Variants in IWS1 observed in about 807,000 individuals in gnomAD.
IWS1 encodes protein IWS1 homolog.
In IWS1, 27 loss-of-function variants were observed where a neutral mutation model predicts 86.7. The ratio of observed to expected loss-of-function variants is 0.31; its 90% confidence interval spans 0.23 to 0.43. The LOEUF is 0.43. IWS1 is among the 20% of genes least tolerant of loss of function. The probability of loss-of-function intolerance (pLI) is 1.00; values close to 1 mark genes in which losing one functional copy is unlikely to be tolerated. For synonymous variants in IWS1, 313 were observed against 335.1 expected (o/e 0.93, Z 0.72); for missense variants, 827 against 1,000.8 (o/e 0.83, Z 2.34).
chr2:127,483,421 C>G (rs186544606), intron 13 of IWS1, among the ~76,000 whole-genome samples: 1 of 149,712 alleles, frequency 6.7e-6, no homozygotes, highest in Admixed American at 6.6e-5. Context: ...CCAGCCTGAG[C>G]AAGATGGTGA....
intron 3 of IWS1, 21 bp downstream of exon 3, chr2:127,504,663 C>T (rs1558756691): frequency 2.0e-6 from 3 of 1,530,254 alleles, no homozygotes; most frequent in African/African-American, 1.4e-5. Context: ...CATTGATAAA[C>T]AGCCCAAGGT....
intron 2 of IWS1, among the ~76,000 whole-genome samples, chr2:127,523,365 A>G (rs1467440637): frequency 6.6e-6 from 1 of 152,172 alleles, no homozygotes; most frequent in Admixed American, 6.5e-5. Flanking sequence ...ATGCCCCACT[A>G]TGACATTATT....
At chr2:127,521,453 T>TG (rs1275608506) in intron 2 of IWS1, among the ~76,000 whole-genome samples, 1 of 152,236 alleles carries the variant, frequency 6.6e-6, no homozygotes, top group Non-Finnish European at 1.5e-5. Flanking sequence ...CAACTTATTA[T>TG]GGGGTTACAG....
chr2:127,490,068 T>C (rs1268272234), intron 10 of IWS1, 125 bp from the exon 11 acceptor site: 2 of 655,076 alleles, frequency 3.1e-6, no homozygotes, highest in Non-Finnish European at 5.5e-6. Flanking sequence ...GAAGAGTCCA[T>C]TATTTCAGAG....
At chr2:127,496,639 C>G (rs919185049) in intron 6 of IWS1, among the ~76,000 whole-genome samples, 2 of 151,846 alleles carry the variant, frequency 1.3e-5, no homozygotes, top group Admixed American at 6.6e-5. Flanking sequence ...TGCGGTGGCA[C>G]AATCATAGTT....
Position 127,491,989 on chromosome 2 carries a change from T to A in IWS1, c.2029A>T (p.Met677Leu). 2 of 1,609,808 alleles carry A rather than the reference T, an allele frequency of 1.2e-6. No homozygotes were observed. The highest frequency in any genetic ancestry group is 1.7e-6 in the Non-Finnish European group (2 of 1,176,068). The change falls in exon 10 of 14, where the codon ATG (methionine) becomes TTG (leucine). Residue 677 changes from methionine (M) to leucine (L), a missense_variant. Around this residue, in one of 2 missense-constraint regions of IWS1, gnomAD observed 279 missense variants for 440.6 expected, o/e 0.63. Transcript: ENST00000295321. Reference protein sequence around the residue: ...HPKESRSNKDMAGKLINEWSR... With the variant: ...HPKESRSNKDLAGKLINEWSR... ...TACATACTGATTAATTTCCCTGCCA[T>A]GTCCTTGTTAGACCTTGACTCCTTG... is the stretch of plus-strand genomic sequence containing the variant.
intron 2 of IWS1, 74 bp downstream of exon 2, chr2:127,523,602 G>C: frequency 6.3e-6 from 6 of 945,444 alleles, no homozygotes; most frequent in Non-Finnish European, 9.9e-6. Flanking sequence ...CAGAGATTCT[G>C]TAACTCCTAT....
intron 6 of IWS1, 86 bp downstream of exon 6, chr2:127,498,054 C>G: frequency 9.3e-7 from 1 of 1,072,250 alleles, no homozygotes; most frequent in Non-Finnish European, 1.4e-6. Flanking sequence ...TAATCAGGAA[C>G]CAAAATGAAA....
At position 127,505,661 on chromosome 2, in the gene IWS1, T is replaced by C. The variant is rs1244477324; in HGVS notation, c.242A>G (p.Asp81Gly). 1.2e-6 allele frequency: 2 copies of C among 1,613,816 alleles called. No individual in the cohort carries two copies. The highest frequency in any genetic ancestry group is 1.7e-6 in the Non-Finnish European group (2 of 1,179,976). Residue 81 changes from aspartate to glycine, a missense_variant, in exon 3 of 14, where the codon GAC becomes GGC. Around this residue, in one of 2 missense-constraint regions of IWS1, gnomAD observed 548 missense variants for 560.2 expected, o/e 0.98. Coordinates refer to ENST00000295321, the MANE Select transcript of IWS1 (RefSeq NM_017969.3). This position sits in a 1 kb window ranked among gnomAD's most constrained non-coding sequence, Gnocchi z 5.0. The part of the protein sequence containing the change: ...NDEPLNLNAS[D>G]SESEELHRQK... ...CCTGTGAAGCTCCTCACTTTCAGAG[T>C]CACTAGCATTAAGATTTAAGGGCTC...
At chr2:127,523,641 GAAAAGCCCTCCC>G (rs1558774454) in intron 2 of IWS1, 23 bp downstream of exon 2, 1 of 1,399,648 alleles carries the variant, frequency 7.1e-7, no homozygotes. Context: ...GAACGCAAGG[GAAAAGCCCTCCC>G]AAAGATGTTG....
chr2:127,511,485 A>T (rs143422373), intron 2 of IWS1: 22 of 152,326 alleles, frequency 1.4e-4, no homozygotes, highest in African/African-American at 4.3e-4. Flanking sequence ...CACCCCTTCA[A>T]GACTCAGCTC....
chr2:127,517,466 G>A (rs1287589293), intron 2 of IWS1, among the ~76,000 whole-genome samples: 1 of 152,182 alleles, frequency 6.6e-6, no homozygotes, highest in Non-Finnish European at 1.5e-5. Context: ...TTTCAACAAG[G>A]ATGCCAAGAC....
intron 5 of IWS1, 50 bp downstream of exon 5, chr2:127,502,765 C>T: frequency 1.0e-6 from 1 of 997,846 alleles, no homozygotes; most frequent in Non-Finnish European, 1.6e-6. Flanking sequence ...GCCATAAAAA[C>T]ACCAAAAAAA....
Position 127,503,579 on chromosome 2 carries a change from G to A in IWS1, c.1220-3C>T. 4 of 1,555,322 alleles carry A rather than the reference G, an allele frequency of 2.6e-6. No individual in the cohort carries two copies. The highest frequency in any genetic ancestry group is 3.5e-6 in the Non-Finnish European group (4 of 1,149,068). On this transcript the variant is annotated splice_region_variant and splice_polypyrimidine_tract_variant and intron_variant, in intron 3 of 13. Transcript: ENST00000295321. Reference sequence around the variant, plus strand: ...GACAACACGACTCTTCTTTGCTGCTGTTGAAAAAGAAAATCATCATTAATT... The same window carrying A: ...GACAACACGACTCTTCTTTGCTGCTATTGAAAAAGAAAATCATCATTAATT...
intron 12 of IWS1, among the ~76,000 whole-genome samples, chr2:127,488,664 C>T (rs1276809518): frequency 6.6e-6 from 1 of 152,222 alleles, no homozygotes; most frequent in African/African-American, 2.4e-5. Context: ...GGCTTCACAT[C>T]CAGCCTCAAA....
chr2:127,494,972 A>C lies in IWS1; in HGVS notation c.1717-18T>G. The C allele has an allele frequency of 6.7e-7, 1 of 1,500,174 alleles. No individual in the cohort carries two copies. The highest frequency in any genetic ancestry group is 9.1e-7 in the Non-Finnish European group (1 of 1,100,038). The allele number at this position is 1,500,174 out of a possible 1,614,324, so 92.9% of individuals were successfully genotyped here. A position where few individuals can be genotyped will look rare whatever the true frequency, so the allele number is the denominator to read the frequency against. On this transcript the variant is annotated intron_variant, in intron 7 of 13. Transcript: ENST00000295321. ...CTGTCTTCCTATTCAGAAAAAAAAT[A>C]AAGATTTTTTTTTAAAACAGTACTT...
chr2:127,485,153 T>C (rs1689864677), intron 13 of IWS1, among the ~76,000 whole-genome samples: 1 of 152,190 alleles, frequency 6.6e-6, no homozygotes, highest in Non-Finnish European at 1.5e-5. Flanking sequence ...AGTCCTTCTC[T>C]ACCCTCGATT....
rs1689589699 is a variant in IWS1 at position 127,480,893 on chromosome 2, T to C, written c.*151A>G. ...GTACAAAGTACACAACGGTTTTAAA[T>C]ATAACTGAGAGAAATGTGAGTCCTA... On this transcript the variant is annotated 3_prime_UTR_variant, in exon 14 of 14. Coordinates refer to ENST00000295321, the MANE Select transcript of IWS1 (RefSeq NM_017969.3). 2 of 782,586 alleles carry C rather than the reference T, an allele frequency of 2.6e-6. No individual in the cohort carries two copies. Among genetic ancestry groups the C allele is most frequent in the African/African-American group, 3.6e-5 (2 of 56,080 alleles). The allele number at this position is 782,586 out of a possible 1,614,324, so 48.5% of individuals were successfully genotyped here. A position where few individuals can be genotyped will look rare whatever the true frequency, so the allele number is the denominator to read the frequency against.
intron 2 of IWS1, among the ~76,000 whole-genome samples, chr2:127,515,978 C>G (rs995004767): frequency 3.9e-5 from 6 of 152,100 alleles, no homozygotes; most frequent in Non-Finnish European, 8.8e-5. Context: ...TTTGCCCAAC[C>G]CTCACTTGCT....
Sources: allele counts gnomAD v4.1 joint callset (sites outside exome capture counted in the v4.1 genomes callset), GRCh38; gene constraint gnomAD v4.1.1; regional missense constraint gnomAD v4.1.1; non-coding constraint Gnocchi (gnomAD v3.1); transcripts MANE v1.5; gene names NCBI Gene and HGNC (gene_info 2026-07-23, HGNC 2026-07-21).